Variants in KSR2 observed in about 807,000 individuals in gnomAD.
KSR2 encodes kinase suppressor of ras 2.
A neutral mutation model predicts 107.8 loss-of-function variants in KSR2; 25 were observed. The observed-to-expected ratio is 0.23, with a 90% CI of 0.17 to 0.32. KSR2 has a LOEUF of 0.32. KSR2 is among the 10% of genes least tolerant of loss of function. KSR2 has a pLI of 1.00. For synonymous variants in KSR2, 480 were observed against 507.0 expected (o/e 0.95, Z 0.71); for missense variants, 887 against 1,268.9 (o/e 0.70, Z 4.57).
intron 3 of KSR2, among the ~76,000 whole-genome samples, chr12:117,764,084 T>G (rs1235638412): frequency 1.3e-5 from 2 of 152,198 alleles, no homozygotes; most frequent in African/African-American, 4.8e-5. Flanking sequence ...ACTGACTCAC[T>G]GTCCCATTTT....
At chr12:117,816,940 T>C (rs1891392249) in intron 3 of KSR2, among the ~76,000 whole-genome samples, 1 of 152,156 alleles carries the variant, frequency 6.6e-6, no homozygotes, top group African/African-American at 2.4e-5. Context: ...CCCATGTGAT[T>C]CCATTACACA....
At chr12:117,475,632 T>G (rs1464974217) in intron 17 of KSR2, among the ~76,000 whole-genome samples, 2 of 152,214 alleles carry the variant, frequency 1.3e-5, no homozygotes, top group Non-Finnish European at 2.9e-5. Flanking sequence ...GTTGGATGTT[T>G]CCTTATCTGC....
At chr12:117,930,116 C>T (rs1237990352) in intron 1 of KSR2, among the ~76,000 whole-genome samples, 2 of 152,082 alleles carry the variant, frequency 1.3e-5, no homozygotes, top group Non-Finnish European at 2.9e-5. Flanking sequence ...TCACTGCAAC[C>T]TCCGCCTCCC....
chr12:117,818,636 G>A (rs1230801657), intron 3 of KSR2, among the ~76,000 whole-genome samples: 3 of 152,204 alleles, frequency 2.0e-5, no homozygotes, highest in African/African-American at 7.2e-5. Flanking sequence ...ATGGGTGGCA[G>A]TGTTTTCATT....
intron 3 of KSR2, among the ~76,000 whole-genome samples, chr12:117,794,811 A>G (rs1211059854): frequency 6.7e-6 from 1 of 150,264 alleles, no homozygotes; most frequent in Admixed American, 6.7e-5. Context: ...GGGGAAATAT[A>G]CCAACTTTAA....
intron 14 of KSR2, chr12:117,517,841 A>T (rs1874477175): frequency 2.2e-6 from 1 of 455,944 alleles, no homozygotes; most frequent in South Asian, 1.5e-5. Context: ...TATTTAGGAC[A>T]ATCAAACTGG....
In KSR2 at chr12:117,897,110, G is replaced by T. The variant is rs1037873235; in HGVS notation, c.181-36679C>A. ...TTCGCCCAAGTCTACCGGGACTGATGTTCAGCTTGAGGGAGTAGCGGAGCA... is the reference window on the plus strand; with the variant it reads ...TTCGCCCAAGTCTACCGGGACTGATTTTCAGCTTGAGGGAGTAGCGGAGCA... On this transcript the variant is annotated intron_variant, in intron 1 of 19. Transcript: ENST00000339824. The surrounding 1 kb of genome is among the most constrained non-coding windows in gnomAD (Gnocchi z 4.5). Among the ~76,000 whole-genome samples the T allele has an allele frequency of 6.6e-6, 1 of 152,174 alleles. No homozygotes were observed. Among genetic ancestry groups the T allele is most frequent in the Admixed American group, 6.5e-5 (1 of 15,278 alleles).
At chr12:117,632,696 C>T (rs895799919) in intron 5 of KSR2, among the ~76,000 whole-genome samples, 2 of 152,180 alleles carry the variant, frequency 1.3e-5, no homozygotes, top group Non-Finnish European at 2.9e-5. Context: ...TCCCACCCTC[C>T]ACCCTCAAGT....
chr12:117,500,008 T>C (rs1345683099), intron 14 of KSR2, among the ~76,000 whole-genome samples: 1 of 152,138 alleles, frequency 6.6e-6, no homozygotes, highest in Non-Finnish European at 1.5e-5. Context: ...CTGGATCTGT[T>C]GGTCAGGTCC....
chr12:117,737,029 T>G (rs984995924), intron 4 of KSR2, among the ~76,000 whole-genome samples: 1 of 152,118 alleles, frequency 6.6e-6, no homozygotes, highest in Non-Finnish European at 1.5e-5. Flanking sequence ...CAACGACACT[T>G]AAATCTTCTA....
chr12:117,731,216 G>GT (rs1280586795), intron 4 of KSR2, among the ~76,000 whole-genome samples: 1 of 151,084 alleles, frequency 6.6e-6, no homozygotes, highest in Non-Finnish European at 1.5e-5. Context: ...TCTGGGAGGT[G>GT]AGGAGTGTCT....
intron 2 of KSR2, among the ~76,000 whole-genome samples, chr12:117,857,815 T>G (rs187163525): frequency 1.3e-5 from 2 of 152,290 alleles, no homozygotes; most frequent in Admixed American, 1.3e-4. Flanking sequence ...CCCAGCTGTT[T>G]TACTGTGGAG....
chr12:117,672,696 C>T (rs1884961536), intron 4 of KSR2, among the ~76,000 whole-genome samples: 1 of 151,910 alleles, frequency 6.6e-6, no homozygotes, highest in Admixed American at 6.6e-5. Context: ...ACGATCTCGG[C>T]CCACCACAAC....
At chr12:117,781,410 G>A (rs1023178098) in intron 3 of KSR2, among the ~76,000 whole-genome samples, 7 of 152,146 alleles carry the variant, frequency 4.6e-5, no homozygotes, top group African/African-American at 1.7e-4. Context: ...GTGATCCACC[G>A]GAGGAGGCTC....
chr12:117,753,586 C>G (rs377094900), intron 4 of KSR2, among the ~76,000 whole-genome samples: 1 of 152,172 alleles, frequency 6.6e-6, no homozygotes, highest in Non-Finnish European at 1.5e-5. Flanking sequence ...ACCGCATGTT[C>G]TCACTTTTAA....
intron 5 of KSR2, among the ~76,000 whole-genome samples, chr12:117,614,655 G>T (rs750130835): frequency 2.0e-5 from 3 of 152,198 alleles, no homozygotes; most frequent in Non-Finnish European, 4.4e-5. Flanking sequence ...TCCCTTAATA[G>T]TTTTCTGTCA....
chr12:117,680,033 T>C (rs981170130), intron 4 of KSR2, among the ~76,000 whole-genome samples: 2 of 152,244 alleles, frequency 1.3e-5, no homozygotes, highest in African/African-American at 4.8e-5. Flanking sequence ...ATTCCTGTTC[T>C]ACACTACCTG....
intron 1 of KSR2, among the ~76,000 whole-genome samples, chr12:117,960,362 T>C (rs1251334482): frequency 6.6e-6 from 1 of 152,170 alleles, no homozygotes; most frequent in African/African-American, 2.4e-5. Flanking sequence ...GGCTTATCTA[T>C]GTAACATGCT....
intron 5 of KSR2, among the ~76,000 whole-genome samples, chr12:117,634,995 A>G (rs983869724): frequency 2.0e-5 from 3 of 152,164 alleles, no homozygotes; most frequent in African/African-American, 7.2e-5. Context: ...GCCACATACA[A>G]GACCTGCCCA....
Sources: gnomAD v4.1 joint callset for allele counts (sites outside exome capture counted in the v4.1 genomes callset) on GRCh38, gnomAD v4.1.1 for gene constraint, Gnocchi (gnomAD v3.1) non-coding constraint, MANE v1.5 for transcripts, NCBI Gene and HGNC (gene_info 2026-07-23, HGNC 2026-07-21) for gene names.